USP6NL: variants seen among roughly 807,000 people sequenced by gnomAD.
The protein encoded by USP6NL is USP6 N-terminal like, also known as USP6 N-terminal-like protein.
USP6NL carries 26 observed loss-of-function variants against 61.9 expected under a neutral mutation model. The ratio of observed to expected loss-of-function variants is 0.42; its 90% CI spans 0.31 to 0.58. The LOEUF is 0.58. USP6NL is among the 20% of genes least tolerant of loss of function. The pLI, the probability that USP6NL is intolerant of heterozygous loss-of-function variation, is 0.16. For synonymous variants in USP6NL, 432 were observed against 390.1 expected (o/e 1.11, Z -1.27); for missense variants, 1,114 against 1,034.3 (o/e 1.08, Z -1.06).
chr10:11,556,728 G>C (rs1462615407), intron 2 of USP6NL, among the ~76,000 whole-genome samples: 1 of 152,110 alleles, frequency 6.6e-6, no homozygotes, highest in Non-Finnish European at 1.5e-5. Context: ...GAAGACCTAA[G>C]GATGGACCTA....
At chr10:11,606,315 T>C (rs531766077) in intron 1 of USP6NL, among the ~76,000 whole-genome samples, 3 of 152,290 alleles carry the variant, frequency 2.0e-5, no homozygotes, top group South Asian at 4.1e-4. Context: ...GTTAGAAAAC[T>C]TGTCAATATT....
chr10:11,509,732 T>C lies in USP6NL; in HGVS notation c.196-57A>G, dbSNP rs960177426. 15 of 1,396,086 alleles carry C rather than the reference T, an allele frequency of 1.1e-5. No homozygotes were observed. In the African/African-American group the frequency reaches 1.3e-4, roughly 12 times the overall value. The allele number at this position is 1,396,086 out of a possible 1,614,324, so 86.5% of individuals were successfully genotyped here. Reference sequence around the variant, plus strand: ...TGTTCGTTTCTTTACTTATGAGTTATAAAAAACTTCAAAGAAAATGCTTCT... The same window carrying C: ...TGTTCGTTTCTTTACTTATGAGTTACAAAAAACTTCAAAGAAAATGCTTCT... On this transcript the variant is annotated intron_variant, in intron 5 of 14. Transcript: ENST00000609104.
At position 11,537,944 on chromosome 10, in the gene USP6NL, T is replaced by C. The variant is rs1835898922; in HGVS notation, c.5-10377A>G. Reference sequence around the variant, plus strand: ...CAAATAAAAAGATCAACAGTGTCGATATAATTGGTAGGTTGCTTGTTTTGT... The same window carrying C: ...CAAATAAAAAGATCAACAGTGTCGACATAATTGGTAGGTTGCTTGTTTTGT... On this transcript the variant is annotated intron_variant, in intron 2 of 14. Transcript: ENST00000609104. The surrounding 1 kb of genome is among the most constrained non-coding windows in gnomAD (Gnocchi z 5.1). 6.6e-6 allele frequency among the ~76,000 whole-genome samples: 1 copy of C among 152,224 alleles called. No homozygotes were observed.
In USP6NL at chr10:11,490,458, C is replaced by T. The variant is rs906453688; in HGVS notation, c.543+374G>A. ...ATTGTGAAAAGTAACCTCCCAAGAG[C>T]AAAGAGAGTTATAAAAAGTCAAGCA... On this transcript the variant is annotated intron_variant, in intron 9 of 14. Transcript: ENST00000609104. This position sits in a 1 kb window ranked among gnomAD's most constrained non-coding sequence, Gnocchi z 4.5. 5.3e-5 allele frequency among the ~76,000 whole-genome samples: 8 copies of T among 152,160 alleles called. No homozygotes were observed. The highest frequency in any genetic ancestry group is 1.0e-4 in the Non-Finnish European group (7 of 68,034).
rs1202576936 is a variant in USP6NL, at chr10:11,472,512, T to C, written c.1079-8663A>G. 2.6e-5 allele frequency among the ~76,000 whole-genome samples: 4 copies of C among 152,254 alleles called. No homozygotes were observed. In the East Asian group the frequency reaches 7.7e-4, roughly 29 times the overall value. ...AAGAATACACACACTCTGACTGTTCTAACAGTTTTCGGGAAGAATCGGTGG... is the reference window on the plus strand; with the variant it reads ...AAGAATACACACACTCTGACTGTTCCAACAGTTTTCGGGAAGAATCGGTGG... On this transcript the variant is annotated intron_variant, in intron 14 of 14. Transcript: ENST00000609104.
chr10:11,512,978 T>C (rs1317138996), intron 5 of USP6NL, among the ~76,000 whole-genome samples: 1 of 152,242 alleles, frequency 6.6e-6, no homozygotes, highest in East Asian at 1.9e-4. Flanking sequence ...ATTTTGATCA[T>C]TGTTACAGCA....
chr10:11,557,065 C>T (rs1430384503), intron 2 of USP6NL, among the ~76,000 whole-genome samples: 2 of 152,118 alleles, frequency 1.3e-5, no homozygotes, highest in African/African-American at 4.8e-5. Context: ...TAATAGATTA[C>T]TAAAATCTAA....
chr10:11,542,902 C>G (rs966113737), intron 2 of USP6NL, among the ~76,000 whole-genome samples: 2 of 152,264 alleles, frequency 1.3e-5, no homozygotes, highest in South Asian at 2.1e-4. Flanking sequence ...TCTAACATGT[C>G]TCCGTCACCT....
At chr10:11,606,977 A>G (rs1052246927) in intron 1 of USP6NL, among the ~76,000 whole-genome samples, 1 of 152,094 alleles carries the variant, frequency 6.6e-6, no homozygotes. Context: ...TCTGGTAGAG[A>G]TGGAGTTTCA....
chr10:11,466,265 G>C (rs1832448224), intron 14 of USP6NL, among the ~76,000 whole-genome samples: 1 of 152,174 alleles, frequency 6.6e-6, no homozygotes, highest in Non-Finnish European at 1.5e-5. Context: ...AATATTCTAG[G>C]TTTGAACTAA....
intron 2 of USP6NL, among the ~76,000 whole-genome samples, chr10:11,569,850 C>A (rs552803909): frequency 6.6e-6 from 1 of 152,184 alleles, no homozygotes; most frequent in Admixed American, 6.5e-5. Context: ...GTTAAATGAT[C>A]ATGCTTCTTC....
At chr10:11,501,259 T>C (rs1165163984) in intron 6 of USP6NL, 51 bp from the exon 7 acceptor site, 2 of 1,401,786 alleles carry the variant, frequency 1.4e-6, no homozygotes, top group African/African-American at 2.9e-5. Context: ...AAAACTTAGA[T>C]TAGTCTCTAC....
chr10:11,555,105 T>TG (rs1386880778), intron 2 of USP6NL, among the ~76,000 whole-genome samples: 8 of 118,180 alleles, frequency 6.8e-5, no homozygotes, highest in South Asian at 3.2e-4. Context: ...TTTTTTTTTT[T>TG]TTGGTTTTTT....
At chr10:11,542,866 G>A (rs1379223546) in intron 2 of USP6NL, among the ~76,000 whole-genome samples, 1 of 152,152 alleles carries the variant, frequency 6.6e-6, no homozygotes, top group Non-Finnish European at 1.5e-5. Context: ...CAGTAACGTG[G>A]GGTAGGAAAG....
At chr10:11,581,074 T>G (rs1766784848) in intron 2 of USP6NL, among the ~76,000 whole-genome samples, 1 of 152,192 alleles carries the variant, frequency 6.6e-6, no homozygotes. Flanking sequence ...TACAAACTAA[T>G]AGGTCTCTAT....
chr10:11,606,317 G>T (rs1588428254), intron 1 of USP6NL, among the ~76,000 whole-genome samples: 1 of 152,280 alleles, frequency 6.6e-6, no homozygotes, highest in Non-Finnish European at 1.5e-5. Context: ...TAGAAAACTT[G>T]TCAATATTAC....
intron 2 of USP6NL, among the ~76,000 whole-genome samples, chr10:11,593,354 T>A (rs900416394): frequency 6.6e-6 from 1 of 152,224 alleles, no homozygotes. Flanking sequence ...TAGTTTTTTT[T>A]AAAATATATT....
chr10:11,566,402 T>G (rs1162331629), intron 2 of USP6NL, among the ~76,000 whole-genome samples: 1 of 152,220 alleles, frequency 6.6e-6, no homozygotes, highest in Non-Finnish European at 1.5e-5. Context: ...GCCACATATT[T>G]ACTGTGTGCT....
At chr10:11,475,849 A>G (rs1329982257) in intron 14 of USP6NL, among the ~76,000 whole-genome samples, 1 of 152,160 alleles carries the variant, frequency 6.6e-6, no homozygotes, top group Non-Finnish European at 1.5e-5. Context: ...GATTATCGTC[A>G]GCAAACTCAG....
Sources: gnomAD v4.1 joint callset for allele counts (sites outside exome capture counted in the v4.1 genomes callset) on GRCh38, gnomAD v4.1.1 for gene constraint, Gnocchi (gnomAD v3.1) non-coding constraint, MANE v1.5 for transcripts, NCBI Gene and HGNC (gene_info 2026-07-23, HGNC 2026-07-21) for gene names.